CEP170: variants seen among roughly 807,000 people sequenced by gnomAD.
CEP170 encodes the protein centrosomal protein of 170 kDa.
In CEP170, 21 loss-of-function variants were observed where a neutral mutation model predicts 151.9. The observed-to-expected ratio is 0.14, with a 90% CI of 0.10 to 0.20. The LOEUF (loss-of-function observed/expected upper bound fraction) is 0.20. Ranked by LOEUF, CEP170 falls within the 10% of genes least tolerant of loss-of-function variation. The probability of loss-of-function intolerance (pLI) is 1.00; values close to 1 mark genes in which losing one functional copy is unlikely to be tolerated. For missense variants in CEP170, 964 were observed against 1,892.9 expected (o/e 0.51, Z 9.11); for synonymous variants, 356 against 648.8 (o/e 0.55, Z 6.86).
At chr1:243,193,587 A>T (rs1052864652) in intron 7 of CEP170, among the ~76,000 whole-genome samples, 2 of 152,104 alleles carry the variant, frequency 1.3e-5, no homozygotes, top group African/African-American at 4.8e-5. Context: ...CACCATTCCC[A>T]TGTTAGTACT....
intron 14 of CEP170, among the ~76,000 whole-genome samples, chr1:243,151,862 GCTGA>G (rs1482202886): frequency 6.6e-6 from 1 of 152,186 alleles, no homozygotes; most frequent in African/African-American, 2.4e-5. Context: ...CAAAGGACAG[GCTGA>G]CTCTCTTGTT....
chr1:243,153,408 A>G (rs2057289237), intron 14 of CEP170, among the ~76,000 whole-genome samples: 1 of 152,250 alleles, frequency 6.6e-6, no homozygotes, highest in Non-Finnish European at 1.5e-5. Flanking sequence ...GCTATCAAAC[A>G]GCATCACATT....
rs144091880 is a variant in CEP170, at chr1:243,224,483, C to A, written c.105+693G>T. Among the ~76,000 whole-genome samples, 708 of 152,144 alleles carry A rather than the reference C, an allele frequency of 4.7e-3. 8 individuals carry two copies. Among genetic ancestry groups the A allele is most frequent in the African/African-American group, 0.016 (677 of 41,502 alleles). On this transcript the variant is annotated intron_variant, in intron 2 of 19. Coordinates refer to ENST00000366542, the MANE Select transcript of CEP170 (RefSeq NM_014812.3). ...AAAAAAAATTGCAAAAAAAACACCT[C>A]ATGATATTTTAAGCAAGTTTATGAA...
intron 1 of CEP170, among the ~76,000 whole-genome samples, chr1:243,236,099 C>T (rs1283805305): frequency 2.0e-5 from 3 of 152,206 alleles, no homozygotes; most frequent in African/African-American, 7.2e-5. Flanking sequence ...GTGCTAATTG[C>T]TTCTATTAAT....
chr1:243,210,850 C>T (rs1392877136), intron 4 of CEP170, among the ~76,000 whole-genome samples: 2 of 151,812 alleles, frequency 1.3e-5, no homozygotes, highest in African/African-American at 4.8e-5. Context: ...GTCTCGAACT[C>T]CTGACCTCGT....
chr1:243,229,508 T>C (rs1401264403), intron 1 of CEP170, among the ~76,000 whole-genome samples: 1 of 152,122 alleles, frequency 6.6e-6, no homozygotes, highest in African/African-American at 2.4e-5. Context: ...CTCTGGCGTA[T>C]GGTAAAAGAG....
At chr1:243,234,125 C>T (rs954694396) in intron 1 of CEP170, among the ~76,000 whole-genome samples, 2 of 152,166 alleles carry the variant, frequency 1.3e-5, no homozygotes, top group African/African-American at 4.8e-5. Context: ...CTCCTCTCAC[C>T]CCACAACTCC....
chr1:243,130,352 T>C (rs2054256436), intron 17 of CEP170, among the ~76,000 whole-genome samples: 1 of 152,194 alleles, frequency 6.6e-6, no homozygotes. Flanking sequence ...GTTAGTATAC[T>C]TGCACATAAT....
chr1:243,230,561 T>C (rs966783117), intron 1 of CEP170, among the ~76,000 whole-genome samples: 1 of 152,120 alleles, frequency 6.6e-6, no homozygotes, highest in South Asian at 2.1e-4. Context: ...ACAGAAATTA[T>C]GAAACGGAAC....
intron 1 of CEP170, among the ~76,000 whole-genome samples, chr1:243,244,877 C>G (rs1459047476): frequency 6.6e-6 from 1 of 150,414 alleles, no homozygotes. Context: ...AAATTTAAAT[C>G]ACAAATATGA....
chr1:243,191,311 A>G lies in CEP170; in HGVS notation c.815T>C (p.Ile272Thr), dbSNP rs1392257857. ...AAATGAAGCATGCCCTGCACCTGTT[A>G]TATGGGAACTTGGCGTGTCTTTTGT... ...IPTKDTPSSH[I>T]TGAGHASFTI... The change falls in exon 8 of 20, where the codon ATA becomes ACA. Residue 272 changes from isoleucine (I) to threonine (T), a missense_variant. Coordinates refer to ENST00000366542, the MANE Select transcript of CEP170 (RefSeq NM_014812.3). 1.9e-6 allele frequency: 3 copies of G among 1,613,276 alleles called. No homozygotes were observed. Among genetic ancestry groups the G allele is most frequent in the East Asian group, 4.5e-5 (2 of 44,870 alleles).
intron 18 of CEP170, among the ~76,000 whole-genome samples, chr1:243,129,102 T>C (rs532477253): frequency 1.3e-5 from 2 of 152,304 alleles, no homozygotes; most frequent in South Asian, 4.1e-4. Context: ...AAAAATTTCA[T>C]GTTTCTAATG....
At chr1:243,253,999 C>T (rs2066224764) in intron 1 of CEP170, among the ~76,000 whole-genome samples, 1 of 152,064 alleles carries the variant, frequency 6.6e-6, no homozygotes, top group Non-Finnish European at 1.5e-5. Context: ...TATCCATTCC[C>T]TCAGGAACAT....
chr1:243,181,176 T>C lies in CEP170; in HGVS notation c.1566+4603A>G, dbSNP rs533882055. Among the ~76,000 whole-genome samples the C allele has an allele frequency of 1.8e-4, 27 of 152,212 alleles. 1 individual carries two copies. In the South Asian group the frequency reaches 5.4e-3, roughly 30 times the overall value. ...TTGCCTCAGTGGTTATCTCTTTTGA[T>C]GGAAGAGTGGAGAGAAGAAACTGGT... On this transcript the variant is annotated intron_variant, in intron 10 of 19. Coordinates refer to ENST00000366542, the MANE Select transcript of CEP170 (RefSeq NM_014812.3).
At chr1:243,208,321 A>G (rs1440725549) in intron 4 of CEP170, among the ~76,000 whole-genome samples, 1 of 151,990 alleles carries the variant, frequency 6.6e-6, no homozygotes, top group Non-Finnish European at 1.5e-5. Flanking sequence ...GAACAAGAGT[A>G]GCCAGAGGAT....
At chr1:243,168,652 GA>G (rs1286218296) in intron 12 of CEP170, among the ~76,000 whole-genome samples, 6 of 145,332 alleles carry the variant, frequency 4.1e-5, no homozygotes, top group South Asian at 4.4e-4. Context: ...CAGACCTCAG[GA>G]AAAAAAAAAG....
intron 3 of CEP170, among the ~76,000 whole-genome samples, chr1:243,213,145 A>C (rs993406151): frequency 1.3e-5 from 2 of 151,982 alleles, no homozygotes; most frequent in Non-Finnish European, 2.9e-5. Flanking sequence ...ATGTCTTTAA[A>C]ATTTAGACTA....
Position 243,199,152 on chromosome 1 carries a change from G to A in CEP170, c.539C>T (p.Pro180Leu), listed in dbSNP as rs2060855561. Residue 180 changes from proline (P) to leucine (L), a missense_variant, in exon 7 of 20, where the codon CCG becomes CTG. Coordinates refer to ENST00000366542, the MANE Select transcript of CEP170 (RefSeq NM_014812.3). ...CACCTCATCATCCCCCCACCATGAC[G>A]GCTGCCCATATAATGGAGTACCACG... Reference protein sequence around the residue: ...MPRGTPLYGQPSWWGDDEVDE... With the variant: ...MPRGTPLYGQLSWWGDDEVDE... 1.9e-6 allele frequency: 3 copies of A among 1,611,632 alleles called. No homozygotes were observed. The highest frequency in any genetic ancestry group is 2.2e-5 in the East Asian group (1 of 44,854).
chr1:243,232,818 G>A (rs991086677), intron 1 of CEP170, among the ~76,000 whole-genome samples: 7 of 152,178 alleles, frequency 4.6e-5, no homozygotes, highest in Non-Finnish European at 8.8e-5. Context: ...GGATGGTGAC[G>A]GTAGGGATGG....
Sources: allele counts gnomAD v4.1 joint callset (sites outside exome capture counted in the v4.1 genomes callset), GRCh38; gene constraint gnomAD v4.1.1; transcripts MANE v1.5; gene names NCBI Gene and HGNC (gene_info 2026-07-23, HGNC 2026-07-21).